Variants in PMF1 observed in about 807,000 individuals in gnomAD.
The protein encoded by PMF1 is polyamine modulated factor 1.
PMF1 carries 21 observed loss-of-function variants against 26.7 expected under a neutral mutation model. That is an observed-to-expected ratio of 0.79 (90% confidence interval 0.56 to 1.13). The LOEUF is 1.13. Among genes scored for constraint, PMF1 ranks in the 50% most tolerant of loss-of-function variants. The probability of loss-of-function intolerance (pLI) is 0.00; values close to 1 mark genes in which losing one functional copy is unlikely to be tolerated. For missense variants in PMF1, 266 were observed against 254.9 expected, an observed-to-expected ratio of 1.04 and a Z score of -0.30; for synonymous variants, 105 against 101.0, an observed-to-expected ratio of 1.04 and a Z score of -0.24.
chr1:156,236,212 T>C, intron 3 of PMF1, 76 bp from the exon 4 acceptor site: 1 of 1,540,698 alleles, frequency 6.5e-7, no homozygotes, highest in Non-Finnish European at 8.8e-7. Flanking sequence ...TCACCGAGTG[T>C]GGGCTTGGAA....
chr1:156,231,678 G>A (rs532322218), intron 1 of PMF1, among the ~76,000 whole-genome samples: 3 of 152,148 alleles, frequency 2.0e-5, no homozygotes, highest in East Asian at 3.9e-4. Context: ...ACTCCAGCCG[G>A]GTGACAGAGC....
At chr1:156,237,979 G>C (rs1659134444) in intron 4 of PMF1, among the ~76,000 whole-genome samples, 1 of 152,158 alleles carries the variant, frequency 6.6e-6, no homozygotes, top group African/African-American at 2.4e-5. Context: ...TGTTGGCCAG[G>C]CTGGTCTTGA....
intron 4 of PMF1, among the ~76,000 whole-genome samples, chr1:156,238,283 G>A (rs959838396): frequency 6.6e-6 from 1 of 152,202 alleles, no homozygotes; most frequent in Admixed American, 6.5e-5. Context: ...TAAATAACGT[G>A]TATATTAGAA....
At chr1:156,227,437 G>A (rs1400341813) in intron 1 of PMF1, among the ~76,000 whole-genome samples, 1 of 151,640 alleles carries the variant, frequency 6.6e-6, no homozygotes, top group Non-Finnish European at 1.5e-5. Flanking sequence ...CCAGGAGGCG[G>A]AGGTTGCAGT....
chr1:156,213,975 G>T (rs1433833846), intron 1 of PMF1, among the ~76,000 whole-genome samples: 2 of 152,040 alleles, frequency 1.3e-5, no homozygotes, highest in Admixed American at 6.6e-5. Context: ...GCAGTGGCGC[G>T]ATCTTGGCTC....
In PMF1 at chr1:156,233,650, A is replaced by T; in HGVS notation, c.290A>T (p.Glu97Val). 1 of 1,613,974 alleles carries T rather than the reference A, an allele frequency of 6.2e-7. No individual in the cohort carries two copies. Among genetic ancestry groups the T allele is most frequent in the Non-Finnish European group, 8.5e-7 (1 of 1,179,910 alleles). ...SIREEISDIK[E>V]EGNLEAVLNA... ...CAGGAGGAAATCTCTGACATCAAAGAGGAGGGGAACCTAGAAGCTGTCTTG... is the reference window on the plus strand; with the variant it reads ...CAGGAGGAAATCTCTGACATCAAAGTGGAGGGGAACCTAGAAGCTGTCTTG... The change falls in exon 3 of 5, where the codon GAG (glutamate) becomes GTG (valine). Residue 97 changes from glutamate to valine, a missense_variant. Coordinates refer to ENST00000368277, the MANE Select transcript of PMF1 (RefSeq NM_007221.4).
At chr1:156,234,488 A>G (rs1265452221) in intron 3 of PMF1, among the ~76,000 whole-genome samples, 1 of 151,648 alleles carries the variant, frequency 6.6e-6, no homozygotes, top group East Asian at 1.9e-4. Context: ...GGGAGCACCT[A>G]CTATATGATC....
At chr1:156,233,521 T>C in intron 2 of PMF1, 107 bp from the exon 3 acceptor site, 1 of 1,105,780 alleles carries the variant, frequency 9.0e-7, no homozygotes, top group Non-Finnish European at 1.3e-6. Context: ...CATAAAGACC[T>C]AGAACAGAAA....
chr1:156,234,518 A>G (rs541325266), intron 3 of PMF1, among the ~76,000 whole-genome samples: 4 of 149,108 alleles, frequency 2.7e-5, no homozygotes, highest in African/African-American at 9.9e-5. Flanking sequence ...TTTTTTTTCT[A>G]TTTTTTTTAA....
At chr1:156,223,022 G>C (rs1449693267) in intron 1 of PMF1, among the ~76,000 whole-genome samples, 1 of 152,130 alleles carries the variant, frequency 6.6e-6, no homozygotes, top group Non-Finnish European at 1.5e-5. Flanking sequence ...GAAAAAGAGT[G>C]GTTTAATATA....
At chr1:156,214,493 C>T (rs558327127) in intron 1 of PMF1, among the ~76,000 whole-genome samples, 16 of 152,266 alleles carry the variant, frequency 1.1e-4, no homozygotes, top group African/African-American at 3.6e-4. Flanking sequence ...CTGGGGATAC[C>T]ATGAGGCAGA....
intron 3 of PMF1, among the ~76,000 whole-genome samples, 185 bp from the exon 4 acceptor site, chr1:156,236,103 A>G (rs1658993305): frequency 6.6e-6 from 1 of 152,164 alleles, no homozygotes; most frequent in Admixed American, 6.5e-5. Flanking sequence ...AACCCAGGGA[A>G]AGGAAGTGTG....
At chr1:156,216,260 G>A (rs911057242) in intron 1 of PMF1, among the ~76,000 whole-genome samples, 1 of 151,912 alleles carries the variant, frequency 6.6e-6, no homozygotes, top group South Asian at 2.1e-4. Context: ...GCCTAGTGGC[G>A]CATGCCTGTA....
intron 1 of PMF1, chr1:156,220,661 TTTTA>T (rs1241661960): frequency 4.6e-5 from 7 of 152,166 alleles, no homozygotes; most frequent in African/African-American, 1.4e-4. Context: ...TGTATATATA[TTTTA>T]TTTTTTTTCA....
At chr1:156,224,917 T>C (rs1271173934) in intron 1 of PMF1, among the ~76,000 whole-genome samples, 4 of 152,220 alleles carry the variant, frequency 2.6e-5, no homozygotes, top group Admixed American at 2.0e-4. Flanking sequence ...TTTTTTCCTT[T>C]TTGAGTCAGT....
intron 1 of PMF1, among the ~76,000 whole-genome samples, chr1:156,230,654 G>C (rs2758605): frequency 0.37 from 55,646 of 151,992 alleles, 10,307 homozygotes; most frequent in African/African-American, 0.41. Flanking sequence ...ACTTGAGTTT[G>C]TCTGTCCAAG....
At chr1:156,232,504 C>T (rs983914249) in intron 2 of PMF1, 79 bp downstream of exon 2, 1 of 1,364,548 alleles carries the variant, frequency 7.3e-7, no homozygotes, top group Non-Finnish European at 1.0e-6. Context: ...GGCAGTGGCC[C>T]CACCCTCTAC....
At chr1:156,214,114 C>T (rs1657552395) in intron 1 of PMF1, among the ~76,000 whole-genome samples, 1 of 152,118 alleles carries the variant, frequency 6.6e-6, no homozygotes, top group Non-Finnish European at 1.5e-5. Flanking sequence ...CGAGGTTTCA[C>T]CATGTTGGCC....
chr1:156,237,446 CTTTTTTTT>C (rs33952725), intron 4 of PMF1, among the ~76,000 whole-genome samples: 2 of 123,384 alleles, frequency 1.6e-5, no homozygotes, highest in Non-Finnish European at 3.3e-5. Flanking sequence ...TATTTTTTGT[CTTTTTTTT>C]TTTTTTTTTT....
Sources: gnomAD v4.1 joint callset for allele counts (sites outside exome capture counted in the v4.1 genomes callset) on GRCh38, gnomAD v4.1.1 for gene constraint, MANE v1.5 for transcripts, NCBI Gene and HGNC (gene_info 2026-07-23, HGNC 2026-07-21) for gene names.